Variants in FBN1 observed in about 807,000 individuals in gnomAD.
FBN1 encodes the protein fibrillin-1.
In FBN1, 29 loss-of-function variants were observed where a neutral mutation model predicts 365.1. The ratio of observed to expected loss-of-function variants is 0.08; its 90% CI spans 0.06 to 0.11. The LOEUF is 0.11. Among genes scored for constraint, FBN1 ranks in the 10% least tolerant of loss-of-function variants. FBN1 has a pLI of 1.00. For missense variants in FBN1, 2,476 were observed against 3,703.2 expected, an observed-to-expected ratio of 0.67 and a Z score of 8.60; for synonymous variants, 1,210 against 1,270.5, an observed-to-expected ratio of 0.95 and a Z score of 1.01.
At position 48,429,188 on chromosome 15, in the gene FBN1, G is replaced by A. The variant is rs189204329; in HGVS notation, c.6872-717C>T. Among the ~76,000 whole-genome samples, 163 of 152,236 alleles carry A rather than the reference G, an allele frequency of 1.1e-3. 2 individuals carry two copies. The highest frequency in any genetic ancestry group is 3.8e-3 in the African/African-American group (159 of 41,574). On this transcript the variant is annotated intron_variant, in intron 56 of 65. Coordinates refer to ENST00000316623, the MANE Select transcript of FBN1 (RefSeq NM_000138.5). ...TCAAAGTGTTATTTCAAGTGAAGGA[G>A]GGAAAAATGTGAATATCAGCATATG...
rs1597591885 is a variant in FBN1 at position 48,534,354 on chromosome 15, A to T, written c.737-149T>A. 3 of 790,218 alleles carry T rather than the reference A, an allele frequency of 3.8e-6. No homozygotes were observed. In the East Asian group the frequency reaches 7.7e-5, roughly 20 times the overall value. 49.0% of individuals were successfully genotyped at this position (790,218 alleles called of 1,614,324 possible). On this transcript the variant is annotated intron_variant, in intron 7 of 65. Transcript: ENST00000316623. ...CACAATATTTGGAATATGATTAGAGAAACTGTTTCTCACAATTGCATTATG... is the reference window on the plus strand; with the variant it reads ...CACAATATTTGGAATATGATTAGAGTAACTGTTTCTCACAATTGCATTATG...
At chr15:48,594,693 A>G (rs746562061) in intron 6 of FBN1, among the ~76,000 whole-genome samples, 1 of 152,222 alleles carries the variant, frequency 6.6e-6, no homozygotes, top group African/African-American at 2.4e-5. Context: ...ATGAGCATCA[A>G]TAGTCTTTGC....
intron 56 of FBN1, 114 bp downstream of exon 56, chr15:48,430,557 G>A: frequency 8.1e-7 from 1 of 1,232,218 alleles, no homozygotes; most frequent in Non-Finnish European, 1.2e-6. Flanking sequence ...ATGCGGTTAA[G>A]AGAACAAAAT....
At chr15:48,504,042 T>C in intron 16 of FBN1, 103 bp from the exon 17 acceptor site, 1 of 1,371,140 alleles carries the variant, frequency 7.3e-7, no homozygotes, top group Non-Finnish European at 1.0e-6. Context: ...ATCCCTGGTG[T>C]AACTCACAGG....
At chr15:48,477,832 A>G (rs540507049) in intron 32 of FBN1, among the ~76,000 whole-genome samples, 1 of 152,336 alleles carries the variant, frequency 6.6e-6, no homozygotes, top group South Asian at 2.1e-4. Context: ...TGACACCGCA[A>G]CCTTCTTAAC....
chr15:48,526,197 T>C lies in FBN1; in HGVS notation c.921A>G (p.Thr307=), dbSNP rs1341105449. The change falls in exon 9 of 66, where the codon ACA becomes ACG. Residue 307 remains threonine (T), a synonymous_variant. Transcript: ENST00000316623. ...GICEGGECTN[T]VSSYFCKCPP... ...GACATTTGCAAAAGTAACTGCTGACTGTGTTTGTACATTCACCCCCTTCAC... is the reference window on the plus strand; with the variant it reads ...GACATTTGCAAAAGTAACTGCTGACCGTGTTTGTACATTCACCCCCTTCAC... The C allele has an allele frequency of 6.2e-7, 1 of 1,614,112 alleles. No homozygotes were observed. The highest frequency in any genetic ancestry group is 8.5e-7 in the Non-Finnish European group (1 of 1,179,948).
At chr15:48,623,269 GAATT>G (rs1249992868) in intron 2 of FBN1, among the ~76,000 whole-genome samples, 5 of 152,222 alleles carry the variant, frequency 3.3e-5, no homozygotes, top group African/African-American at 1.2e-4. Context: ...CTGTGCGATA[GAATT>G]ATTTCTTATA....
rs1466145990 is a variant in FBN1, at chr15:48,425,436, T to A, written c.7386A>T (p.Thr2462=). The stretch of plus-strand genomic sequence containing the variant: ...GGCATGAACACTGGTAACTCCCTTC[T>A]GTGTTTTTGCAGATAAAATTGCAGG... ...PKPCNFICKN[T]EGSYQCSCPK... The change falls in exon 60 of 66, where the codon ACA becomes ACT. Residue 2462 remains threonine (T), a synonymous_variant. Coordinates refer to ENST00000316623, the MANE Select transcript of FBN1 (RefSeq NM_000138.5). 6.2e-7 allele frequency: 1 copy of A among 1,614,172 alleles called. No individual in the cohort carries two copies. The highest frequency in any genetic ancestry group is 1.1e-5 in the South Asian group (1 of 91,090).
chr15:48,414,108 C>T (rs1029182503), intron 64 of FBN1, among the ~76,000 whole-genome samples: 2 of 152,154 alleles, frequency 1.3e-5, no homozygotes, highest in Non-Finnish European at 2.9e-5. Flanking sequence ...CCGGGAGCAC[C>T]ACTTATAAGA....
At chr15:48,542,832 T>TGTGTGTA (rs1491435027) in intron 6 of FBN1, among the ~76,000 whole-genome samples, 8 of 147,800 alleles carry the variant, frequency 5.4e-5, no homozygotes, top group African/African-American at 2.0e-4. Context: ...TGTGTGTGTA[T>TGTGTGTA]TTTTTTTCCT....
At chr15:48,465,744 G>A (rs1274526722) in intron 39 of FBN1, 46 bp downstream of exon 39, 1 of 1,613,014 alleles carries the variant, frequency 6.2e-7, no homozygotes, top group Admixed American at 1.7e-5. Flanking sequence ...ATAAACCCAA[G>A]GAAATTCAAG....
chr15:48,478,251 C>T (rs1222307713), intron 32 of FBN1, among the ~76,000 whole-genome samples: 3 of 151,918 alleles, frequency 2.0e-5, no homozygotes, highest in African/African-American at 4.8e-5. Context: ...TTTCACAGGC[C>T]GACAGCCAGT....
rs2043116688 is a variant in FBN1 at position 48,441,754 on chromosome 15, A to C, written c.6130T>G (p.Phe2044Val). 6.2e-7 allele frequency: 1 copy of C among 1,613,668 alleles called. No individual in the cohort carries two copies. Among genetic ancestry groups the C allele is most frequent in the Non-Finnish European group, 8.5e-7 (1 of 1,179,680 alleles). The stretch of plus-strand genomic sequence containing the variant: ...CTTCTTCCACTGGAGGACAAGGAAA[A>C]CCCTTCTGGACACAGACATTTGAAG... ...GSFKCLCPEG[F>V]SLSSSGRRCQ... The change falls in exon 50 of 66, where the codon TTT (phenylalanine) becomes GTT (valine). Residue 2044 changes from phenylalanine (F) to valine (V), a missense_variant. By Grantham distance (50) the Phe-to-Val change is conservative. Around this residue, in one of 5 missense-constraint regions of FBN1, gnomAD observed 1,780 missense variants for 2,840.8 expected, o/e 0.63. Transcript: ENST00000316623.
intron 30 of FBN1, 76 bp from the exon 31 acceptor site, chr15:48,484,019 G>A (rs556696601): frequency 4.6e-5 from 67 of 1,469,378 alleles, no homozygotes; most frequent in Admixed American, 2.2e-4. Flanking sequence ...TTAACTGACC[G>A]CAGTCAAATA....
rs75456997 is a variant in FBN1, at chr15:48,465,988, C to G, written c.4748-130G>C. 1,147 of 725,070 alleles carry G rather than the reference C, an allele frequency of 1.6e-3. 7 individuals carry two copies. In the African/African-American group the frequency reaches 0.018, roughly 11 times the overall value. 44.9% of individuals were successfully genotyped at this position (725,070 alleles called of 1,614,324 possible). A position where few individuals can be genotyped will look rare whatever the true frequency, so the allele number is the denominator to read the frequency against. ...AGGAATCTTTAGTTGTTACTCTGCCCGTCTGAAGTAAGTTAACACCTTTGT... is the reference window on the plus strand; with the variant it reads ...AGGAATCTTTAGTTGTTACTCTGCCGGTCTGAAGTAAGTTAACACCTTTGT... On this transcript the variant is annotated intron_variant, in intron 38 of 65. Coordinates refer to ENST00000316623, the MANE Select transcript of FBN1 (RefSeq NM_000138.5).
At chr15:48,613,137 A>C (rs1053014987) in intron 2 of FBN1, 45 bp from the exon 3 acceptor site, 1 of 1,460,412 alleles carries the variant, frequency 6.8e-7, no homozygotes, top group Admixed American at 1.7e-5. Context: ...AAAAAGAAGA[A>C]GAGGAAGAGA....
At chr15:48,542,697 G>T (rs1428294991) in intron 6 of FBN1, among the ~76,000 whole-genome samples, 1 of 151,750 alleles carries the variant, frequency 6.6e-6, no homozygotes, top group Non-Finnish European at 1.5e-5. Context: ...CATGGAACCC[G>T]ATTCAGTAGA....
At chr15:48,417,044 C>T (rs184028290) in intron 63 of FBN1, among the ~76,000 whole-genome samples, 1 of 152,298 alleles carries the variant, frequency 6.6e-6, no homozygotes, top group East Asian at 1.9e-4. Context: ...GATCTCACAG[C>T]CAGCAGCAGC....
chr15:48,565,096 C>G (rs952493578), intron 6 of FBN1, among the ~76,000 whole-genome samples: 9 of 152,164 alleles, frequency 5.9e-5, no homozygotes, highest in African/African-American at 1.9e-4. Context: ...TTGCTCCCCA[C>G]CCACCATACC....
Sources: allele counts gnomAD v4.1 joint callset (sites outside exome capture counted in the v4.1 genomes callset), GRCh38; gene constraint gnomAD v4.1.1; regional missense constraint gnomAD v4.1.1; transcripts MANE v1.5; gene names NCBI Gene and HGNC (gene_info 2026-07-23, HGNC 2026-07-21).